The following NEK1 variants were observed in gnomAD, a reference collection of about 807,000 sequenced individuals.
NEK1 encodes NIMA related kinase 1.
Under a neutral mutation model 182.1 loss-of-function variants are expected in NEK1, and 137 were observed. The observed-to-expected ratio is 0.75, with a 90% CI of 0.65 to 0.87. The LOEUF is 0.87. Among genes scored for constraint, NEK1 ranks in the 40% least tolerant of loss-of-function variants. NEK1 has a pLI of 0.00. For synonymous variants in NEK1, 513 were observed against 492.2 expected, an observed-to-expected ratio of 1.04 and a Z score of -0.56; for missense variants, 1,391 against 1,494.4, an observed-to-expected ratio of 0.93 and a Z score of 1.14.
chr4:169,602,226 A>C (rs920254560), intron 3 of NEK1, 122 bp from the exon 4 acceptor site: 3 of 702,856 alleles, frequency 4.3e-6, no homozygotes, highest in Non-Finnish European at 7.3e-6. Flanking sequence ...AAAATATAGC[A>C]AGAAGTTAAA....
At position 169,585,493 on chromosome 4, in the gene NEK1, T is replaced by C; in HGVS notation, c.663A>G (p.Pro221=). The change falls in exon 10 of 36, where the codon CCA becomes CCG. Residue 221 remains proline (P), a synonymous_variant. Coordinates refer to ENST00000507142, the MANE Select transcript of NEK1 (RefSeq NM_001199397.3). ...LVLKIISGSF[P]PVSLHYSYDL... The stretch of plus-strand genomic sequence containing the variant: ...CATAGGAATAATGCAAAGACACAGG[T>C]GGAAAAGATCCAGATATTATCTTCA... 1 of 1,613,628 alleles carries C rather than the reference T, an allele frequency of 6.2e-7. No homozygotes were observed.
At chr4:169,588,797 G>A in intron 7 of NEK1, 62 bp from the exon 8 acceptor site, 1 of 1,063,490 alleles carries the variant, frequency 9.4e-7, no homozygotes, top group Non-Finnish European at 1.4e-6. Context: ...CATTAATGTT[G>A]TTTTTGGTCT....
intron 19 of NEK1, among the ~76,000 whole-genome samples, chr4:169,529,034 C>A (rs558009379): frequency 1.3e-5 from 2 of 151,994 alleles, no homozygotes; most frequent in African/African-American, 4.8e-5. Context: ...GGGCCAAAGA[C>A]GATATCTCAA....
Position 169,412,932 on chromosome 4 carries a change from G to A in NEK1, c.3223-6185C>T, listed in dbSNP as rs533139062. 6.6e-5 allele frequency among the ~76,000 whole-genome samples: 10 copies of A among 151,930 alleles called. No homozygotes were observed. The South Asian group carries it at 1.9e-3, about 29-fold the overall frequency. ...AGAGGAAGAAAGAGAGGGAAAGAGG[G>A]AGGCAAGGAGAGAGGCAAGGGAGAT... is the stretch of plus-strand genomic sequence containing the variant. On this transcript the variant is annotated intron_variant, in intron 31 of 35. Coordinates refer to ENST00000507142, the MANE Select transcript of NEK1 (RefSeq NM_001199397.3).
At chr4:169,430,260 G>A (rs1737174907) in intron 29 of NEK1, among the ~76,000 whole-genome samples, 3 of 152,006 alleles carry the variant, frequency 2.0e-5, no homozygotes, top group Admixed American at 1.3e-4. Context: ...TTGGCTCACC[G>A]CAACCTCTAC....
At chr4:169,463,430 T>C (rs763638542) in intron 26 of NEK1, 35 bp from the exon 27 acceptor site, 2 of 1,523,492 alleles carry the variant, frequency 1.3e-6, no homozygotes, top group Admixed American at 3.5e-5. Flanking sequence ...CAATTTTCAA[T>C]AACAGTATAA....
chr4:169,587,895 A>C (rs1472927587), intron 8 of NEK1, among the ~76,000 whole-genome samples: 1 of 152,098 alleles, frequency 6.6e-6, no homozygotes, highest in Non-Finnish European at 1.5e-5. Flanking sequence ...TTATTTCATA[A>C]AACTCAAACT....
intron 4 of NEK1, among the ~76,000 whole-genome samples, chr4:169,601,662 C>T (rs970810653): frequency 6.6e-6 from 1 of 152,044 alleles, no homozygotes; most frequent in Non-Finnish European, 1.5e-5. Context: ...AATTCTTGCA[C>T]TTACTGCATT....
At position 169,527,053 on chromosome 4, in the gene NEK1, T is replaced by A. The variant is rs139142405; in HGVS notation, c.1665+10756A>T. Among the ~76,000 whole-genome samples the A allele has an allele frequency of 3.0e-3, 453 of 151,982 alleles. 1 individual carries two copies. Among genetic ancestry groups the A allele is most frequent in the African/African-American group, 0.01 (422 of 41,446 alleles). ...CTGAATACTAAAGACAAAGAAAAAA[T>A]ACTGAAAGCGTCCAGAGGAAAACAA... On this transcript the variant is annotated intron_variant, in intron 19 of 35. Coordinates refer to ENST00000507142, the MANE Select transcript of NEK1 (RefSeq NM_001199397.3).
chr4:169,445,628 A>C (rs900130537), intron 27 of NEK1, among the ~76,000 whole-genome samples: 1 of 152,006 alleles, frequency 6.6e-6, no homozygotes, highest in Non-Finnish European at 1.5e-5. Flanking sequence ...TAATTGGTAC[A>C]CATGGACACA....
intron 11 of NEK1, among the ~76,000 whole-genome samples, chr4:169,577,472 C>T (rs1765884306): frequency 1.3e-5 from 2 of 152,064 alleles, no homozygotes; most frequent in African/African-American, 4.8e-5. Flanking sequence ...ATCAATAGAG[C>T]TGTTAAAAAT....
At position 169,467,492 on chromosome 4, in the gene NEK1, G is replaced by A. The variant is rs533512321; in HGVS notation, c.2435-4097C>T. On this transcript the variant is annotated intron_variant, in intron 26 of 35. Coordinates refer to ENST00000507142, the MANE Select transcript of NEK1 (RefSeq NM_001199397.3). ...CTATAGCTAATAATTCAACAACAGA[G>A]GTAAAATGGAATAATAAAAAATAAC... is the stretch of plus-strand genomic sequence containing the variant. Among the ~76,000 whole-genome samples the A allele has an allele frequency of 3.6e-4, 54 of 151,698 alleles. 1 individual carries two copies. In the South Asian group the frequency reaches 7.9e-3, roughly 22 times the overall value.
chr4:169,447,940 T>A lies in NEK1; in HGVS notation c.2588-9681A>T, dbSNP rs114303106. On this transcript the variant is annotated intron_variant, in intron 27 of 35. Transcript: ENST00000507142. ...TGGCTTATGCCTGTAATCCTAGAAC[T>A]TTGGAAGGCTGAGGTGGGAGGATTG... Among the ~76,000 whole-genome samples, 569 of 152,064 alleles carry A rather than the reference T, an allele frequency of 3.7e-3. 6 individuals carry two copies. The highest frequency in any genetic ancestry group is 0.012 in the African/African-American group (510 of 41,474).
chr4:169,458,620 T>C (rs1579830467), intron 27 of NEK1, among the ~76,000 whole-genome samples: 1 of 151,830 alleles, frequency 6.6e-6, no homozygotes, highest in Non-Finnish European at 1.5e-5. Flanking sequence ...CCCAGCTACT[T>C]GGGGTTTGAG....
intron 18 of NEK1, among the ~76,000 whole-genome samples, chr4:169,551,848 CA>C (rs1049199554): frequency 6.6e-6 from 1 of 150,610 alleles, no homozygotes; most frequent in Non-Finnish European, 1.5e-5. Flanking sequence ...TTTTACTGAG[CA>C]AAAAGGAGAG....
In NEK1 at chr4:169,424,807, T is replaced by TAGAA; in HGVS notation, c.2975-11_2975-8dup. ...GAATCATTGGTTCCAGGCTCTGTGG[T>TAGAA]AGAAAGGAGAGATTATGTGGTAAGT... is the stretch of plus-strand genomic sequence containing the variant. On this transcript the variant is annotated splice_region_variant and splice_polypyrimidine_tract_variant and intron_variant, in intron 30 of 35. Coordinates refer to ENST00000507142, the MANE Select transcript of NEK1 (RefSeq NM_001199397.3). The TAGAA allele has an allele frequency of 1.3e-6, 2 of 1,598,104 alleles. No individual in the cohort carries two copies. The highest frequency in any genetic ancestry group is 8.6e-7 in the Non-Finnish European group (1 of 1,167,450).
chr4:169,420,125 T>C (rs1013539890), intron 31 of NEK1, among the ~76,000 whole-genome samples: 6 of 152,204 alleles, frequency 3.9e-5, no homozygotes, highest in Non-Finnish European at 8.8e-5. Context: ...CTTTATAAAC[T>C]TGAAGACACA....
chr4:169,555,780 T>C lies in NEK1; in HGVS notation c.1502A>G (p.Asp501Gly). ...AAGHHHFPDA[D>G]DIRKTLKRLK... ...TCTTTTCAAAGTTTTTCTAATATCA[T>C]CAGCATCAGGAAAATGGTGATGACC... Residue 501 changes from aspartate to glycine, a missense_variant, in exon 18 of 36, where the codon GAT becomes GGT. By Grantham distance (94) the Asp-to-Gly change is moderately conservative. Coordinates refer to ENST00000507142, the MANE Select transcript of NEK1 (RefSeq NM_001199397.3). 2.5e-6 allele frequency: 4 copies of C among 1,613,904 alleles called. No individual in the cohort carries two copies. The highest frequency in any genetic ancestry group is 3.3e-4 in the Middle Eastern group (2 of 6,062).
chr4:169,425,856 A>G (rs1370151519), intron 30 of NEK1, among the ~76,000 whole-genome samples: 1 of 152,202 alleles, frequency 6.6e-6, no homozygotes, highest in Non-Finnish European at 1.5e-5. Context: ...TTTTAAAAAG[A>G]AAACAATTTA....
Sources: allele counts gnomAD v4.1 joint callset (sites outside exome capture counted in the v4.1 genomes callset), GRCh38; gene constraint gnomAD v4.1.1; transcripts MANE v1.5; gene names NCBI Gene and HGNC (gene_info 2026-07-23, HGNC 2026-07-21).